HEATR5B: variants seen among roughly 807,000 people sequenced by gnomAD.
The protein encoded by HEATR5B is HEAT repeat-containing protein 5B.
HEATR5B carries 156 observed loss-of-function variants against 224.1 expected under a neutral mutation model. That is an observed-to-expected ratio of 0.70 (90% confidence interval 0.61 to 0.80). HEATR5B has a LOEUF of 0.80. Ranked by LOEUF, HEATR5B falls within the 30% of genes least tolerant of loss-of-function variation. The probability of loss-of-function intolerance (pLI) is 0.00; values close to 1 mark genes in which losing one functional copy is unlikely to be tolerated. For missense variants in HEATR5B, 2,323 were observed against 2,535.5 expected (o/e 0.92, Z 1.80); for synonymous variants, 1,027 against 893.0 (o/e 1.15, Z -2.68).
At position 37,040,330 on chromosome 2, in the gene HEATR5B, T is replaced by A. The variant is rs1398629523; in HGVS notation, c.3045A>T (p.Gln1015His). 6.2e-7 allele frequency: 1 copy of A among 1,610,524 alleles called. No individual in the cohort carries two copies. The highest frequency in any genetic ancestry group is 1.3e-5 in the African/African-American group (1 of 74,802). Reference sequence around the variant, plus strand: ...CTTAATTTCAGATGATTTACTTACCTTGTAGTTCAGGGCCAACAGTAGTTA... The same window carrying A: ...CTTAATTTCAGATGATTTACTTACCATGTAGTTCAGGGCCAACAGTAGTTA... ...AIITTVGPEL[Q>H]GNGATTSTIR... Residue 1015 changes from glutamine (Q) to histidine (H), a missense_variant and splice_region_variant, in exon 20 of 36, where the codon CAA becomes CAT. Physicochemically the swap from Gln to His is conservative, Grantham distance 24 (BLOSUM62 0). This residue lies in a region of HEATR5B where 88 missense variants were observed against 86.8 expected (regional missense o/e 1.01). Transcript: ENST00000233099.
At chr2:36,996,347 A>C (rs1237631094) in intron 33 of HEATR5B, among the ~76,000 whole-genome samples, 1 of 151,398 alleles carries the variant, frequency 6.6e-6, no homozygotes, top group East Asian at 2.0e-4. Flanking sequence ...GCGTGAGCCA[A>C]TGTGCTCGGC....
intron 18 of HEATR5B, among the ~76,000 whole-genome samples, 191 bp downstream of exon 18, chr2:37,049,462 T>C (rs1558343197): frequency 6.6e-6 from 1 of 152,306 alleles, no homozygotes; most frequent in East Asian, 1.9e-4. Flanking sequence ...AGAAAGTATC[T>C]AACATATTAC....
At chr2:37,029,739 G>C (rs980773960) in intron 22 of HEATR5B, among the ~76,000 whole-genome samples, 1 of 151,992 alleles carries the variant, frequency 6.6e-6, no homozygotes, top group Non-Finnish European at 1.5e-5. Context: ...AGGAGTTCAA[G>C]ACCAGCCTGG....
chr2:37,019,403 A>G (rs1668325561), intron 26 of HEATR5B, among the ~76,000 whole-genome samples: 2 of 152,134 alleles, frequency 1.3e-5, no homozygotes, highest in African/African-American at 4.8e-5. Context: ...AATAAAAAGG[A>G]AAACTGCCAT....
At position 37,002,451 on chromosome 2, in the gene HEATR5B, T is replaced by C. The variant is rs1360031723; in HGVS notation, c.5172A>G (p.Val1724=). The change falls in exon 32 of 36, where the codon GTA becomes GTG. Residue 1724 remains valine, a synonymous_variant. Coordinates refer to ENST00000233099, the MANE Select transcript of HEATR5B (RefSeq NM_019024.3). ...ATMELLMFIL[V]RHMPHLSTKV... ...TGGTACTGAGATGTGGCATATGCCG[T>C]ACTAAAATGAACATCAGCAGCTCCA... The C allele has an allele frequency of 1.9e-6, 3 of 1,614,088 alleles. No individual in the cohort carries two copies. The highest frequency in any genetic ancestry group is 1.7e-6 in the Non-Finnish European group (2 of 1,180,048).
At chr2:37,035,836 C>T (rs1265740444) in intron 21 of HEATR5B, among the ~76,000 whole-genome samples, 1 of 152,064 alleles carries the variant, frequency 6.6e-6, no homozygotes, top group African/African-American at 2.4e-5. Flanking sequence ...AGCTCCAGGC[C>T]CATAAAACTA....
In HEATR5B at chr2:37,027,980, C is replaced by G; in HGVS notation, c.3796G>C (p.Asp1266His). ...CRIINLCENA[D>H]QAHFDLALAR... ...AAGGCAAGATCAAAGTGAGCCTGGT[C>G]TGCATTCTCACACAAATTGATGATT... is the stretch of plus-strand genomic sequence containing the variant. Residue 1266 changes from aspartate (D) to histidine (H), a missense_variant, in exon 24 of 36, where the codon GAC becomes CAC. By Grantham distance (81) the Asp-to-His change is moderately conservative. Around this residue, in one of 12 missense-constraint regions of HEATR5B, gnomAD observed 339 missense variants for 378.4 expected, o/e 0.90. Coordinates refer to ENST00000233099, the MANE Select transcript of HEATR5B (RefSeq NM_019024.3). 4 of 1,614,160 alleles carry G rather than the reference C, an allele frequency of 2.5e-6. No homozygotes were observed. Among genetic ancestry groups the G allele is most frequent in the Non-Finnish European group, 3.4e-6 (4 of 1,179,984 alleles).
At position 37,051,436 on chromosome 2, in the gene HEATR5B, T is replaced by C. The variant is rs143082208; in HGVS notation, c.2506-1593A>G. 8.2e-3 allele frequency among the ~76,000 whole-genome samples: 1,246 copies of C among 151,828 alleles called. 13 individuals carry two copies. Among genetic ancestry groups the C allele is most frequent in the South Asian group, 0.026 (127 of 4,808 alleles). ...AGTAGTTTGCTCATCATATTAAATGTCACTCTCTTTGTTCTAGCTGTACTT... is the reference window on the plus strand; with the variant it reads ...AGTAGTTTGCTCATCATATTAAATGCCACTCTCTTTGTTCTAGCTGTACTT... On this transcript the variant is annotated intron_variant, in intron 17 of 35. Transcript: ENST00000233099.
At chr2:36,991,987 T>C (rs1296986029) in intron 33 of HEATR5B, among the ~76,000 whole-genome samples, 1 of 152,160 alleles carries the variant, frequency 6.6e-6, no homozygotes, top group East Asian at 1.9e-4. Context: ...TCCAGCACTT[T>C]GGGATTTCTA....
intron 27 of HEATR5B, among the ~76,000 whole-genome samples, chr2:37,012,518 G>A (rs1473056030): frequency 2.6e-5 from 4 of 152,042 alleles, no homozygotes; most frequent in African/African-American, 9.7e-5. Flanking sequence ...AGCCTCCCAA[G>A]TAGCTGGGAT....
chr2:36,983,683 G>A (rs983345432), intron 35 of HEATR5B, among the ~76,000 whole-genome samples: 11 of 151,530 alleles, frequency 7.3e-5, no homozygotes, highest in Admixed American at 2.6e-4. Flanking sequence ...AGCAGAGATC[G>A]TGCCATTGCA....
At chr2:37,059,404 ATATGTG>A (rs1459881393) in intron 12 of HEATR5B, among the ~76,000 whole-genome samples, 32 of 106,968 alleles carry the variant, frequency 3.0e-4, no homozygotes, top group Admixed American at 8.4e-4. Flanking sequence ...ATATATATGT[ATATGTG>A]TGTGTGTGTG....
At chr2:36,998,875 A>T (rs2148362989) in intron 33 of HEATR5B, among the ~76,000 whole-genome samples, 1 of 152,184 alleles carries the variant, frequency 6.6e-6, no homozygotes, top group East Asian at 1.9e-4. Context: ...ACACATACTC[A>T]TATAGAAAAC....
Position 37,083,295 on chromosome 2 carries a change from G to A in HEATR5B, c.120C>T (p.Ala40=), listed in dbSNP as rs773974435. 1.2e-6 allele frequency: 2 copies of A among 1,613,950 alleles called. No individual in the cohort carries two copies. The highest frequency in any genetic ancestry group is 1.7e-5 in the Admixed American group (1 of 60,012). Residue 40 remains alanine, a synonymous_variant, in exon 2 of 36, where the codon GCC becomes GCT. Transcript: ENST00000233099. ...AAAAAGAGCAATACCATACCTTGTTGGCAGCAACCAAGACTTTATCAAGAA... is the reference window on the plus strand; with the variant it reads ...AAAAAGAGCAATACCATACCTTGTTAGCAGCAACCAAGACTTTATCAAGAA... ...LRFLDKVLVA[A]NKTDVKEKQK...
At chr2:37,058,391 T>A in intron 14 of HEATR5B, 60 bp downstream of exon 14, 2 of 956,710 alleles carry the variant, frequency 2.1e-6, no homozygotes, top group Non-Finnish European at 3.4e-6. Context: ...CAAGACTCTA[T>A]AATACGGTGA....
In HEATR5B at chr2:37,002,401, A is replaced by G; in HGVS notation, c.5222T>C (p.Ile1741Thr). ...TTCTGATAGTCGAGTTTTAGTGGCT[A>G]TGTGACTTGGAGAGTCTGACACCTT... Reference protein sequence around the residue: ...STKVSDSPSHIATKTRLSEES... With the variant: ...STKVSDSPSHTATKTRLSEES... The change falls in exon 32 of 36, where the codon ATA becomes ACA. Residue 1741 changes from isoleucine to threonine, a missense_variant. Ile to Thr is a moderately conservative substitution (Grantham distance 89). Coordinates refer to ENST00000233099, the MANE Select transcript of HEATR5B (RefSeq NM_019024.3). 6.2e-7 allele frequency: 1 copy of G among 1,614,250 alleles called. No homozygotes were observed. Among genetic ancestry groups the G allele is most frequent in the East Asian group, 2.2e-5 (1 of 44,890 alleles).
intron 33 of HEATR5B, among the ~76,000 whole-genome samples, chr2:36,994,004 T>A (rs1666518373): frequency 6.6e-6 from 1 of 152,156 alleles, no homozygotes; most frequent in Non-Finnish European, 1.5e-5. Flanking sequence ...ACGGTTATTA[T>A]TAGGACAAGT....
In HEATR5B at chr2:36,981,586, T is replaced by G. The variant is rs1665584113; in HGVS notation, c.6120A>C (p.Arg2040=). 6 of 1,614,252 alleles carry G rather than the reference T, an allele frequency of 3.7e-6. No individual in the cohort carries two copies. In the South Asian group the frequency reaches 5.5e-5, roughly 15 times the overall value. Residue 2040 remains arginine, a synonymous_variant, in exon 36 of 36, where the codon CGA becomes CGC. Transcript: ENST00000233099. ...CTTTAGCTTTGCTCGCTTGGCTTGC[T>G]CGAACGGCAGTTTCTAGACGCACTT... ...ELKVRLETAV[R]ASQASKAKAA...
intron 17 of HEATR5B, among the ~76,000 whole-genome samples, chr2:37,053,077 A>G (rs1296639347): frequency 1.3e-5 from 2 of 152,164 alleles, no homozygotes; most frequent in East Asian, 1.9e-4. Flanking sequence ...TACTCTGGAC[A>G]CAAACCTAGA....
Sources: allele counts gnomAD v4.1 joint callset (sites outside exome capture counted in the v4.1 genomes callset), GRCh38; gene constraint gnomAD v4.1.1; regional missense constraint gnomAD v4.1.1; transcripts MANE v1.5; gene names NCBI Gene and HGNC (gene_info 2026-07-23, HGNC 2026-07-21).